CSMD1: variants seen among roughly 807,000 people sequenced by gnomAD.
CSMD1 encodes CUB and sushi domain-containing protein 1.
A neutral mutation model predicts 417.5 loss-of-function variants in CSMD1; 213 were observed. The observed-to-expected ratio is 0.51, with a 90% CI of 0.46 to 0.57. The LOEUF (loss-of-function observed/expected upper bound fraction) is 0.57. CSMD1 is among the 20% of genes least tolerant of loss of function. The probability of loss-of-function intolerance (pLI) is 0.00; values close to 1 mark genes in which losing one functional copy is unlikely to be tolerated. For missense variants in CSMD1, 6,923 were observed against 4,529.7 expected (o/e 1.53, Z -15.17); for synonymous variants, 2,862 against 1,736.8 (o/e 1.65, Z -16.11).
chr8:3,218,268 A>AATGAAGTTATTATAAAATGAAGT (rs933639490), intron 29 of CSMD1, among the ~76,000 whole-genome samples: 4 of 152,148 alleles, frequency 2.6e-5, no homozygotes, highest in Non-Finnish European at 5.9e-5. Flanking sequence ...GTTGAGATAA[A>AATGAAGTTATTATAAAATGAAGT]ATGAAGTTAT....
chr8:4,936,255 A>G (rs1807613034), intron 1 of CSMD1, among the ~76,000 whole-genome samples: 1 of 152,226 alleles, frequency 6.6e-6, no homozygotes, highest in Non-Finnish European at 1.5e-5. Flanking sequence ...ATATCATCAG[A>G]TAACAGATGT....
chr8:3,854,967 A>G (rs776001540), intron 5 of CSMD1, among the ~76,000 whole-genome samples: 11 of 152,194 alleles, frequency 7.2e-5, no homozygotes, highest in Non-Finnish European at 1.2e-4. Flanking sequence ...CATAGCATAC[A>G]TACACACAAA....
At chr8:4,586,347 T>C (rs535558673) in intron 2 of CSMD1, among the ~76,000 whole-genome samples, 6 of 152,202 alleles carry the variant, frequency 3.9e-5, no homozygotes, top group African/African-American at 2.4e-5. Flanking sequence ...TGTGTAGAGA[T>C]AGATTTCTCT....
intron 59 of CSMD1, among the ~76,000 whole-genome samples, chr8:2,964,878 T>A (rs1367207196): frequency 3.3e-5 from 5 of 152,174 alleles, no homozygotes; most frequent in African/African-American, 1.2e-4. Flanking sequence ...CATTTAACCA[T>A]GTGTCTTGCA....
At chr8:3,058,049 G>A (rs183187404) in intron 49 of CSMD1, among the ~76,000 whole-genome samples, 29 of 152,028 alleles carry the variant, frequency 1.9e-4, no homozygotes, top group African/African-American at 3.6e-4. Flanking sequence ...GGGTTCTTCC[G>A]TTCTACCCCA....
At chr8:3,852,366 C>G (rs1237410727) in intron 5 of CSMD1, among the ~76,000 whole-genome samples, 1 of 152,014 alleles carries the variant, frequency 6.6e-6, no homozygotes, top group Non-Finnish European at 1.5e-5. Flanking sequence ...TAAGGGACAC[C>G]CTCTCTACTC....
intron 1 of CSMD1, among the ~76,000 whole-genome samples, chr8:4,809,835 C>T (rs1456807559): frequency 6.6e-6 from 1 of 152,178 alleles, no homozygotes; most frequent in Non-Finnish European, 1.5e-5. Flanking sequence ...GGACCACCTG[C>T]ATGTCTACAA....
chr8:4,191,743 C>CG (rs1799044299), intron 3 of CSMD1, among the ~76,000 whole-genome samples: 2 of 32,714 alleles, frequency 6.1e-5, no homozygotes, highest in Non-Finnish European at 1.5e-4. Context: ...GAAGGTCATT[C>CG]CAAAAAAAAA....
chr8:4,494,772 C>T (rs1296403276), intron 2 of CSMD1, among the ~76,000 whole-genome samples: 1 of 152,006 alleles, frequency 6.6e-6, no homozygotes, highest in Admixed American at 6.6e-5. Flanking sequence ...TATTCTCTAT[C>T]ATGATTATAT....
At chr8:4,056,057 T>C (rs905699229) in intron 3 of CSMD1, among the ~76,000 whole-genome samples, 1 of 151,112 alleles carries the variant, frequency 6.6e-6, no homozygotes, top group African/African-American at 2.4e-5. Context: ...CCTGAATCTC[T>C]GTTTGGATAT....
At chr8:3,291,098 G>C (rs538384838) in intron 25 of CSMD1, among the ~76,000 whole-genome samples, 8 of 152,136 alleles carry the variant, frequency 5.3e-5, no homozygotes, top group African/African-American at 1.9e-4. Context: ...GGTTTTTGTC[G>C]TTGGTTCTGT....
intron 3 of CSMD1, among the ~76,000 whole-genome samples, chr8:4,390,539 A>G (rs7815803): frequency 4.0e-5 from 6 of 149,384 alleles, no homozygotes; most frequent in Admixed American, 4.0e-4. Context: ...TTTGAGATGG[A>G]GTCTTGCTCT....
intron 1 of CSMD1, among the ~76,000 whole-genome samples, chr8:4,992,353 A>G (rs1036219583): frequency 9.9e-5 from 15 of 152,140 alleles, no homozygotes; most frequent in African/African-American, 3.6e-4. Flanking sequence ...CCACGCAGCA[A>G]CCTCTGCTAA....
At chr8:3,219,562 G>A (rs1798082851) in intron 28 of CSMD1, 120 bp from the exon 29 acceptor site, 35 of 672,380 alleles carry the variant, frequency 5.2e-5, no homozygotes, top group South Asian at 2.8e-4. Context: ...TTTCAGTTAG[G>A]GCAATCAAAA....
chr8:3,574,621 G>C (rs930977193), intron 10 of CSMD1, among the ~76,000 whole-genome samples: 1 of 152,032 alleles, frequency 6.6e-6, no homozygotes, highest in Admixed American at 6.6e-5. Context: ...TAAATACTGT[G>C]GTATTTAAGA....
At chr8:4,289,418 T>C (rs1249783966) in intron 3 of CSMD1, among the ~76,000 whole-genome samples, 1 of 63,086 alleles carries the variant, frequency 1.6e-5, no homozygotes, top group Non-Finnish European at 3.9e-5. Flanking sequence ...AGGGCCTGTG[T>C]TTCTCCTATT....
At chr8:3,071,753 C>G (rs1158478) in intron 49 of CSMD1, among the ~76,000 whole-genome samples, 1 of 152,282 alleles carries the variant, frequency 6.6e-6, no homozygotes, top group South Asian at 2.1e-4. Flanking sequence ...TCAAAACAGC[C>G]TAAATGCAGA....
intron 7 of CSMD1, among the ~76,000 whole-genome samples, chr8:3,654,622 G>A (rs779284773): frequency 2.6e-5 from 4 of 152,188 alleles, no homozygotes; most frequent in Non-Finnish European, 5.9e-5. Context: ...TCAAAGCAGG[G>A]CAGCCTTTGA....
At chr8:2,939,489 G>C (rs1384058184) in intron 69 of CSMD1, among the ~76,000 whole-genome samples, 4 of 152,166 alleles carry the variant, frequency 2.6e-5, no homozygotes, top group Non-Finnish European at 5.9e-5. Context: ...GAGAATTAGA[G>C]GATTTTCAGA....
Sources: allele counts gnomAD v4.1 joint callset (sites outside exome capture counted in the v4.1 genomes callset), GRCh38; gene constraint gnomAD v4.1.1; transcripts MANE v1.5; gene names NCBI Gene and HGNC (gene_info 2026-07-23, HGNC 2026-07-21).